The following HAVCR2 variants were observed in gnomAD, a reference collection of about 807,000 sequenced individuals.
HAVCR2 encodes T cell immunoglobulin mucin 3.
In HAVCR2, 13 loss-of-function variants were observed where a neutral mutation model predicts 24.7. The ratio of observed to expected loss-of-function variants is 0.53; its 90% CI spans 0.34 to 0.84. HAVCR2 has a LOEUF of 0.84. Ranked by LOEUF, HAVCR2 falls within the 40% of genes least tolerant of loss-of-function variation. The pLI is 0.01. For synonymous variants in HAVCR2, 154 were observed against 143.4 expected (o/e 1.07, Z -0.53); for missense variants, 343 against 371.2 (o/e 0.92, Z 0.62).
chr5:157,104,883 G>T (rs1004258300), intron 2 of HAVCR2, 134 bp from the exon 3 acceptor site: 1 of 580,102 alleles, frequency 1.7e-6, no homozygotes, highest in Non-Finnish European at 3.1e-6. Flanking sequence ...TTCCAAACCT[G>T]CCTGGATACC....
chr5:157,108,907 T>C lies in HAVCR2; in HGVS notation c.58+19A>G. ...TACAGCACCATTATGTCATTGTAAA[T>C]ATCCATGCCGAGACTTACTTGTAAG... On this transcript the variant is annotated intron_variant, in intron 1 of 6. Coordinates refer to ENST00000307851, the MANE Select transcript of HAVCR2 (RefSeq NM_032782.5). 6.2e-7 allele frequency: 1 copy of C among 1,612,256 alleles called. No homozygotes were observed. Among genetic ancestry groups the C allele is most frequent in the Non-Finnish European group, 8.5e-7 (1 of 1,178,304 alleles).
At chr5:157,103,270 C>G (rs942901299) in intron 3 of HAVCR2, among the ~76,000 whole-genome samples, 2 of 151,838 alleles carry the variant, frequency 1.3e-5, no homozygotes, top group Non-Finnish European at 2.9e-5. Flanking sequence ...ACTTGGGAGG[C>G]TGAGGCAGGA....
At position 157,108,927 on chromosome 5, in the gene HAVCR2, T is replaced by C; in HGVS notation, c.57A>G (p.Thr19=). The C allele has an allele frequency of 6.2e-7, 1 of 1,613,936 alleles. No individual in the cohort carries two copies. Among genetic ancestry groups the C allele is most frequent in the Non-Finnish European group, 8.5e-7 (1 of 1,179,804 alleles). The part of the protein sequence containing the change: ...CVLLLLLLLL[T]RSSEVEYRAE... ...GTAAATATCCATGCCGAGACTTACT[T>C]GTAAGTAGTAGCAGCAGCAGCAGCA... Residue 19 remains threonine, a splice_region_variant and synonymous_variant, in exon 1 of 7, where the codon ACA becomes ACG. Coordinates refer to ENST00000307851, the MANE Select transcript of HAVCR2 (RefSeq NM_032782.5).
At chr5:157,104,941 T>A in intron 2 of HAVCR2, 192 bp from the exon 3 acceptor site, 2 of 406,434 alleles carry the variant, frequency 4.9e-6, no homozygotes, top group Admixed American at 8.0e-5. Flanking sequence ...AAAGGTAAGA[T>A]GCAGTCATCA....
chr5:157,088,993 C>G lies in HAVCR2; in HGVS notation c.677-16G>C, dbSNP rs34613921. ...TGAGAATACCCTAGTAAGGGGGAAA[C>G]AAAAGCCAATAAAAATGCATTCATA... On this transcript the variant is annotated splice_polypyrimidine_tract_variant and intron_variant, in intron 5 of 6. Transcript: ENST00000307851. The G allele has an allele frequency of 0.013, 20,605 of 1,595,152 alleles. 609 individuals are homozygous for G. The highest frequency in any genetic ancestry group is 0.12 in the African/African-American group (8,680 of 73,658).
At chr5:157,092,315 G>A (rs1428040811) in intron 5 of HAVCR2, among the ~76,000 whole-genome samples, 1 of 152,006 alleles carries the variant, frequency 6.6e-6, no homozygotes, top group Non-Finnish European at 1.5e-5. Flanking sequence ...ACTCAAGTGA[G>A]GCTAAGTGCA....
chr5:157,088,873 A>G, intron 6 of HAVCR2, 68 bp downstream of exon 6: 1 of 1,326,314 alleles, frequency 7.5e-7, no homozygotes, highest in South Asian at 1.2e-5. Context: ...CAGAGAAAAG[A>G]TCAGACATGT....
intron 4 of HAVCR2, among the ~76,000 whole-genome samples, chr5:157,098,305 GC>G (rs1757122442): frequency 6.6e-6 from 1 of 152,050 alleles, no homozygotes; most frequent in Non-Finnish European, 1.5e-5. Flanking sequence ...TACTCGGAAG[GC>G]TGAGGCAGGA....
At chr5:157,092,138 TTATATATATATA>T (rs56964780) in intron 5 of HAVCR2, among the ~76,000 whole-genome samples, 5 of 146,314 alleles carry the variant, frequency 3.4e-5, no homozygotes, top group African/African-American at 1.2e-4. Flanking sequence ...TATGGTCATA[TTATATATATATA>T]TATATATATA....
At chr5:157,088,239 G>T (rs1206764408) in intron 6 of HAVCR2, among the ~76,000 whole-genome samples, 1 of 152,196 alleles carries the variant, frequency 6.6e-6, no homozygotes, top group Non-Finnish European at 1.5e-5. Context: ...CAAATATATT[G>T]TATTCCATTC....
At chr5:157,090,667 G>A (rs1756986676) in intron 5 of HAVCR2, among the ~76,000 whole-genome samples, 2 of 152,136 alleles carry the variant, frequency 1.3e-5, no homozygotes, top group African/African-American at 2.4e-5. Flanking sequence ...ATAGGCATGA[G>A]CCATTGTGCT....
intron 2 of HAVCR2, chr5:157,106,279 C>T (rs946800353): frequency 2.9e-5 from 6 of 207,452 alleles, no homozygotes; most frequent in Non-Finnish European, 5.9e-5. Context: ...TACAGGCTCC[C>T]GTAACCATGC....
chr5:157,098,203 T>C (rs1427873292), intron 4 of HAVCR2, among the ~76,000 whole-genome samples: 4 of 151,924 alleles, frequency 2.6e-5, no homozygotes, highest in Admixed American at 2.6e-4. Context: ...GGTCAGGAGT[T>C]CAAGATCAGC....
At chr5:157,096,347 C>CATAATA (rs56934034) in intron 4 of HAVCR2, among the ~76,000 whole-genome samples, 155 of 151,806 alleles carry the variant, frequency 1.0e-3, no homozygotes, top group African/African-American at 3.6e-3. Flanking sequence ...GGGCCTGGTA[C>CATAATA]ATAATAAATG....
Position 157,087,135 on chromosome 5 carries a change from T to G in HAVCR2, c.873A>C (p.Ser291=). The G allele has an allele frequency of 6.2e-7, 1 of 1,613,930 alleles. No homozygotes were observed. The highest frequency in any genetic ancestry group is 8.5e-7 in the Non-Finnish European group (1 of 1,179,966). The part of the protein sequence containing the change: ...YCYVSSRQQP[S]QPLGCRFAMP ...TTGCAAAGCGACAACCCAAAGGTTG[T>G]GAGGGTTGCTGCCTGCTGCTGACAT... is the stretch of plus-strand genomic sequence containing the variant. The change falls in exon 7 of 7, where the codon TCA becomes TCC. Residue 291 remains serine, a synonymous_variant. Transcript: ENST00000307851.
chr5:157,105,342 GCATGAGCCACCACGCCCAGC>G (rs1757232502), intron 2 of HAVCR2, among the ~76,000 whole-genome samples: 1 of 152,076 alleles, frequency 6.6e-6, no homozygotes, highest in South Asian at 2.1e-4. Context: ...GGGATTATAG[GCATGAGCCACCACGCCCAGC>G]CATGTTTTTA....
Position 157,098,850 on chromosome 5 carries a change from T to G in HAVCR2, c.522+8A>C, listed in dbSNP as rs765538574. 6.2e-7 allele frequency: 1 copy of G among 1,612,140 alleles called. No homozygotes were observed. Among genetic ancestry groups the G allele is most frequent in the East Asian group, 2.2e-5 (1 of 44,842 alleles). ...AGTACAACATAGCTCACAAAAAAAG[T>G]TACTTACTGTTAGATTTATATCAGG... is the stretch of plus-strand genomic sequence containing the variant. On this transcript the variant is annotated splice_region_variant and intron_variant, in intron 4 of 6. Transcript: ENST00000307851.
chr5:157,095,082 G>A (rs2113688059), intron 5 of HAVCR2, among the ~76,000 whole-genome samples: 1 of 152,286 alleles, frequency 6.6e-6, no homozygotes, highest in East Asian at 1.9e-4. Flanking sequence ...TCATAAGACA[G>A]TAATGATGAT....
chr5:157,092,913 A>AAAAATAAAAAAT (rs1757028145), intron 5 of HAVCR2, among the ~76,000 whole-genome samples: 2 of 123,030 alleles, frequency 1.6e-5, no homozygotes, highest in African/African-American at 6.2e-5. Flanking sequence ...AAAAAAAAAA[A>AAAAATAAAAAAT]AAAAACTAGC....
Sources: gnomAD v4.1 joint callset for allele counts (sites outside exome capture counted in the v4.1 genomes callset) on GRCh38, gnomAD v4.1.1 for gene constraint, MANE v1.5 for transcripts, NCBI Gene and HGNC (gene_info 2026-07-23, HGNC 2026-07-21) for gene names.